The following LRRTM4 variants were observed in gnomAD, a reference collection of about 807,000 sequenced individuals.
LRRTM4 encodes the protein leucine-rich repeat transmembrane neuronal protein 4.
LRRTM4 carries 25 observed loss-of-function variants against 47.6 expected under a neutral mutation model. The ratio of observed to expected loss-of-function variants is 0.53; its 90% CI spans 0.38 to 0.73. The LOEUF is 0.73. LRRTM4 is among the 30% of genes least tolerant of loss of function. The pLI is 0.00. For missense variants in LRRTM4, 638 were observed against 713.4 expected (o/e 0.89, Z 1.20); for synonymous variants, 311 against 269.5 (o/e 1.15, Z -1.51).
chr2:77,018,357 T>C (rs1678149947), intron 3 of LRRTM4, among the ~76,000 whole-genome samples: 1 of 147,436 alleles, frequency 6.8e-6, no homozygotes, highest in South Asian at 2.1e-4. Context: ...CCAGCAGGAC[T>C]CCTAAGGGTT....
chr2:77,179,731 G>A (rs1673299349), intron 3 of LRRTM4, among the ~76,000 whole-genome samples: 1 of 152,070 alleles, frequency 6.6e-6, no homozygotes, highest in Admixed American at 6.6e-5. Context: ...TTATTACTAA[G>A]ACAAGACTGA....
At chr2:76,785,112 A>C (rs879209845) in intron 3 of LRRTM4, among the ~76,000 whole-genome samples, 1 of 152,134 alleles carries the variant, frequency 6.6e-6, no homozygotes, top group Admixed American at 6.6e-5. Context: ...ATATCTTGCT[A>C]CACCGATCTT....
intron 3 of LRRTM4, among the ~76,000 whole-genome samples, chr2:77,214,167 C>A (rs1674373775): frequency 6.6e-6 from 1 of 152,106 alleles, no homozygotes; most frequent in Admixed American, 6.5e-5. Flanking sequence ...GAAGCAATAT[C>A]ACAATATAAT....
intron 3 of LRRTM4, among the ~76,000 whole-genome samples, chr2:76,960,333 ATTTT>A (rs1216525210): frequency 6.6e-6 from 1 of 151,698 alleles, no homozygotes; most frequent in Non-Finnish European, 1.5e-5. Context: ...AATTACATGC[ATTTT>A]TTATTTTTTG....
At chr2:76,876,151 G>C (rs891501382) in intron 3 of LRRTM4, among the ~76,000 whole-genome samples, 2 of 151,836 alleles carry the variant, frequency 1.3e-5, no homozygotes, top group East Asian at 3.9e-4. Context: ...AACGATTTTA[G>C]AGAAAAAAAA....
At chr2:77,113,832 G>C (rs1034524872) in intron 3 of LRRTM4, among the ~76,000 whole-genome samples, 3 of 152,116 alleles carry the variant, frequency 2.0e-5, no homozygotes, top group African/African-American at 7.2e-5. Context: ...TTTGGCCCCG[G>C]AGCCATTAGC....
chr2:76,895,593 C>T (rs1343175526), intron 3 of LRRTM4, among the ~76,000 whole-genome samples: 1 of 152,032 alleles, frequency 6.6e-6, no homozygotes, highest in East Asian at 1.9e-4. Context: ...TATTCCTCTA[C>T]TTTTACCTTG....
In LRRTM4 at chr2:76,817,588, T is replaced by C. The variant is rs115989316; in HGVS notation, c.1552-68672A>G. Reference sequence around the variant, plus strand: ...TCACACAGCTAGTAAATTGGTGAGATTGCATTCTGTAATTCCATTCTTGGC... The same window carrying C: ...TCACACAGCTAGTAAATTGGTGAGACTGCATTCTGTAATTCCATTCTTGGC... On this transcript the variant is annotated intron_variant, in intron 3 of 3. Coordinates refer to ENST00000409884, the MANE Select transcript of LRRTM4 (RefSeq NM_001134745.3). Among the ~76,000 whole-genome samples the C allele has an allele frequency of 3.5e-3, 526 of 152,072 alleles. 4 individuals are homozygous for C. The highest frequency in any genetic ancestry group is 0.012 in the African/African-American group (503 of 41,530).
chr2:76,896,800 T>C (rs181177755), intron 3 of LRRTM4, among the ~76,000 whole-genome samples: 1 of 149,376 alleles, frequency 6.7e-6, no homozygotes, highest in East Asian at 2.0e-4. Flanking sequence ...CTGCATGAGA[T>C]GTATATGATG....
chr2:76,937,703 G>A (rs1472622447), intron 3 of LRRTM4, among the ~76,000 whole-genome samples: 1 of 152,022 alleles, frequency 6.6e-6, no homozygotes, highest in Non-Finnish European at 1.5e-5. Flanking sequence ...TGAGTAGCTG[G>A]GATTACAGGT....
chr2:77,142,784 A>T (rs1200943940), intron 3 of LRRTM4, among the ~76,000 whole-genome samples: 1 of 152,166 alleles, frequency 6.6e-6, no homozygotes, highest in Non-Finnish European at 1.5e-5. Flanking sequence ...CTCCAATCTG[A>T]TTCTCATAAC....
At chr2:77,098,003 A>C (rs1670858013) in intron 3 of LRRTM4, among the ~76,000 whole-genome samples, 1 of 152,058 alleles carries the variant, frequency 6.6e-6, no homozygotes, top group African/African-American at 2.4e-5. Flanking sequence ...GACCCAATAA[A>C]GATTTAAAAC....
At chr2:76,830,154 A>G (rs1671306092) in intron 3 of LRRTM4, among the ~76,000 whole-genome samples, 1 of 151,930 alleles carries the variant, frequency 6.6e-6, no homozygotes, top group Admixed American at 6.6e-5. Context: ...CAGGGCTACT[A>G]TTTTTTTCAC....
chr2:77,182,457 T>C (rs1359900955), intron 3 of LRRTM4, among the ~76,000 whole-genome samples: 2 of 151,908 alleles, frequency 1.3e-5, no homozygotes, highest in Non-Finnish European at 2.9e-5. Flanking sequence ...ATCTAGATGA[T>C]GGATCAATAG....
At chr2:77,254,873 A>G (rs1465834777) in intron 3 of LRRTM4, among the ~76,000 whole-genome samples, 2 of 150,702 alleles carry the variant, frequency 1.3e-5, no homozygotes, top group Admixed American at 6.6e-5. Flanking sequence ...AAGCGAACAG[A>G]GAAATAGGAA....
chr2:76,823,789 A>G (rs1380408728), intron 3 of LRRTM4, among the ~76,000 whole-genome samples: 2 of 151,594 alleles, frequency 1.3e-5, no homozygotes, highest in African/African-American at 2.4e-5. Context: ...GTCAAAGAGC[A>G]GAGAAAATGT....
At chr2:76,983,388 T>C (rs986471056) in intron 3 of LRRTM4, among the ~76,000 whole-genome samples, 6 of 152,058 alleles carry the variant, frequency 3.9e-5, no homozygotes, top group Non-Finnish European at 7.4e-5. Flanking sequence ...CCACAGCTAA[T>C]TGAATCATCT....
intron 3 of LRRTM4, among the ~76,000 whole-genome samples, chr2:76,999,580 A>T (rs13383667): frequency 0.062 from 9,386 of 152,134 alleles, 891 homozygotes; most frequent in African/African-American, 0.21. Flanking sequence ...ATTTTGAATC[A>T]TGACAGGAAT....
chr2:77,388,904 C>A (rs1673392857), intron 3 of LRRTM4, among the ~76,000 whole-genome samples: 1 of 151,866 alleles, frequency 6.6e-6, no homozygotes, highest in African/African-American at 2.4e-5. Flanking sequence ...TGCAAGTATT[C>A]TGTAAACAGT....
Sources: gnomAD v4.1 joint callset for allele counts (sites outside exome capture counted in the v4.1 genomes callset) on GRCh38, gnomAD v4.1.1 for gene constraint, MANE v1.5 for transcripts, NCBI Gene and HGNC (gene_info 2026-07-23, HGNC 2026-07-21) for gene names.